Variants in SLCO5A1 observed in about 807,000 individuals in gnomAD.
SLCO5A1 encodes the protein organic anion transporter polypeptide-related protein 4.
SLCO5A1 carries 39 observed loss-of-function variants against 65.1 expected under a neutral mutation model. That is an observed-to-expected ratio of 0.60 (90% CI 0.46 to 0.78). The LOEUF (loss-of-function observed/expected upper bound fraction) is 0.78, where lower values mean the gene tolerates loss of function less well. SLCO5A1 is among the 30% of genes least tolerant of loss of function. SLCO5A1 has a pLI of 0.00. For missense variants in SLCO5A1, 1,029 were observed against 1,069.4 expected, an observed-to-expected ratio of 0.96 and a Z score of 0.53; for synonymous variants, 438 against 415.7, an observed-to-expected ratio of 1.05 and a Z score of -0.65.
At chr8:69,794,189 G>C in intron 2 of SLCO5A1, 1 of 368,768 alleles carries the variant, frequency 2.7e-6, no homozygotes, top group South Asian at 2.5e-5. Flanking sequence ...GAAGACAGTT[G>C]CTGGAAGGAG....
intron 4 of SLCO5A1, among the ~76,000 whole-genome samples, chr8:69,748,052 G>A (rs138195957): frequency 2.6e-5 from 4 of 152,062 alleles, no homozygotes; most frequent in Middle Eastern, 6.8e-3. Context: ...CAATCATAAG[G>A]CCCCATGAAG....
intron 2 of SLCO5A1, among the ~76,000 whole-genome samples, chr8:69,819,239 C>G (rs1337283053): frequency 6.6e-6 from 1 of 151,992 alleles, no homozygotes; most frequent in Non-Finnish European, 1.5e-5. Flanking sequence ...CTCAGCACAG[C>G]TCCTCTTTTT....
chr8:69,755,755 A>G (rs531402079), intron 3 of SLCO5A1, 114 bp from the exon 4 acceptor site: 1 of 833,416 alleles, frequency 1.2e-6, no homozygotes, highest in South Asian at 1.8e-5. Flanking sequence ...TTTTGTAATC[A>G]ACTGTAAAGC....
Position 69,669,617 on chromosome 8 carries a change from C to T in SLCO5A1, c.*3252G>A, listed in dbSNP as rs1203330820. ...ATCACTTGAGGTCAGGAGTTCAAGA[C>T]CAGCCTGGCCAACATGGTGAAACCC... On this transcript the variant is annotated 3_prime_UTR_variant, in exon 10 of 10. Transcript: ENST00000260126. The T allele has an allele frequency of 6.6e-6, 1 of 152,048 alleles. No homozygotes were observed. Among genetic ancestry groups the T allele is most frequent in the Non-Finnish European group, 1.5e-5 (1 of 68,030 alleles). 9.4% of individuals were successfully genotyped at this position (152,048 alleles called of 1,614,324 possible).
At chr8:69,822,112 G>A (rs147088271) in intron 2 of SLCO5A1, among the ~76,000 whole-genome samples, 134 of 152,088 alleles carry the variant, frequency 8.8e-4, no homozygotes, top group African/African-American at 2.9e-3. Context: ...GGGAAACAGA[G>A]CAAGACTCTG....
At position 69,679,461 on chromosome 8, in the gene SLCO5A1, A is replaced by G. The variant is rs138131544; in HGVS notation, c.1941T>C (p.Thr647=). 3 of 1,614,238 alleles carry G rather than the reference A, an allele frequency of 1.9e-6. No homozygotes were observed. In the African/African-American group the frequency reaches 4.0e-5, roughly 22 times the overall value. Residue 647 remains threonine (T), a synonymous_variant, in exon 8 of 10, where the codon ACT becomes ACC. Coordinates refer to ENST00000260126, the MANE Select transcript of SLCO5A1 (RefSeq NM_030958.3). Reference sequence around the variant, plus strand: ...AAAGAAAAACTAAGAATGGGATAAGAGTATTGCAGGTCCGTTTACATTTCC... The same window carrying G: ...AAAGAAAAACTAAGAATGGGATAAGGGTATTGCAGGTCCGTTTACATTTCC... ...VSGKCKRTCN[T]LIPFLVFLFI... is the part of the protein sequence containing the mutation.
At chr8:69,782,131 T>C (rs1299962265) in intron 2 of SLCO5A1, among the ~76,000 whole-genome samples, 1 of 152,054 alleles carries the variant, frequency 6.6e-6, no homozygotes, top group Non-Finnish European at 1.5e-5. Flanking sequence ...GTTTAAAACC[T>C]AGATGATGGG....
At chr8:69,709,186 T>TG (rs539132234) in intron 5 of SLCO5A1, among the ~76,000 whole-genome samples, 214 of 152,324 alleles carry the variant, frequency 1.4e-3, no homozygotes, top group African/African-American at 4.9e-3. Context: ...AGAATTAGAC[T>TG]GGGAACAAGG....
chr8:69,791,014 A>C (rs1390764007), intron 2 of SLCO5A1, among the ~76,000 whole-genome samples: 1 of 152,200 alleles, frequency 6.6e-6, no homozygotes, highest in Non-Finnish European at 1.5e-5. Context: ...TTACTTACAT[A>C]GAAAGAAGGA....
At chr8:69,742,582 G>C (rs1340471909) in intron 4 of SLCO5A1, among the ~76,000 whole-genome samples, 1 of 152,122 alleles carries the variant, frequency 6.6e-6, no homozygotes, top group Non-Finnish European at 1.5e-5. Context: ...ACTTTTAAAA[G>C]AAGTGTTAAT....
At chr8:69,697,838 T>A (rs543198820) in intron 6 of SLCO5A1, among the ~76,000 whole-genome samples, 4 of 152,342 alleles carry the variant, frequency 2.6e-5, no homozygotes, top group South Asian at 4.1e-4. Flanking sequence ...TAATTTTTTT[T>A]ATTTTTACTT....
intron 2 of SLCO5A1, among the ~76,000 whole-genome samples, chr8:69,819,100 T>C (rs1820525810): frequency 6.6e-6 from 1 of 151,788 alleles, no homozygotes; most frequent in African/African-American, 2.4e-5. Flanking sequence ...GGGTTACAAG[T>C]CTTAGGAGGC....
At chr8:69,828,494 C>A (rs538670493) in intron 2 of SLCO5A1, among the ~76,000 whole-genome samples, 1 of 151,534 alleles carries the variant, frequency 6.6e-6, no homozygotes, top group Non-Finnish European at 1.5e-5. Context: ...CCCAGCTACT[C>A]GGGAGGCTGA....
At chr8:69,710,424 G>C (rs1369252052) in intron 5 of SLCO5A1, among the ~76,000 whole-genome samples, 2 of 152,060 alleles carry the variant, frequency 1.3e-5, no homozygotes, top group Non-Finnish European at 2.9e-5. Flanking sequence ...GACATTTTCT[G>C]TTCCCAGCCC....
chr8:69,758,615 C>T (rs183583658), intron 3 of SLCO5A1, among the ~76,000 whole-genome samples: 2 of 152,148 alleles, frequency 1.3e-5, no homozygotes, highest in East Asian at 1.9e-4. Flanking sequence ...GGGAGAAATA[C>T]AGCAAATAAA....
intron 9 of SLCO5A1, among the ~76,000 whole-genome samples, chr8:69,676,263 A>T (rs1048556571): frequency 6.6e-6 from 1 of 152,244 alleles, no homozygotes; most frequent in Non-Finnish European, 1.5e-5. Context: ...TACTGCTTTC[A>T]TAGTAAAAAG....
chr8:69,766,509 T>TTG lies in SLCO5A1; in HGVS notation c.908-4636_908-4635dup, dbSNP rs369338918. Among the ~76,000 whole-genome samples the TTG allele has an allele frequency of 3.7e-3, 566 of 151,524 alleles. 2 individuals carry two copies. The highest frequency in any genetic ancestry group is 0.011 in the African/African-American group (444 of 41,320). On this transcript the variant is annotated intron_variant, in intron 2 of 9. Coordinates refer to ENST00000260126, the MANE Select transcript of SLCO5A1 (RefSeq NM_030958.3). ...TTGCTCTGTGTGCACATGTGTGTGT[T>TTG]TGTGTGTGTGTGTGTATGCATGTGT...
chr8:69,718,140 C>T (rs534978556), intron 5 of SLCO5A1, among the ~76,000 whole-genome samples: 14 of 152,204 alleles, frequency 9.2e-5, no homozygotes, highest in Middle Eastern at 3.4e-3. Flanking sequence ...ATAACTCATT[C>T]TTTTGATGCT....
At chr8:69,815,590 T>C (rs1820368176) in intron 2 of SLCO5A1, among the ~76,000 whole-genome samples, 1 of 151,576 alleles carries the variant, frequency 6.6e-6, no homozygotes, top group Non-Finnish European at 1.5e-5. Flanking sequence ...CCACAATTCC[T>C]TGTCTTGATG....
Sources: allele counts gnomAD v4.1 joint callset (sites outside exome capture counted in the v4.1 genomes callset), GRCh38; gene constraint gnomAD v4.1.1; transcripts MANE v1.5; gene names NCBI Gene and HGNC (gene_info 2026-07-23, HGNC 2026-07-21).